DLG2: variants seen among roughly 807,000 people sequenced by gnomAD.
The protein encoded by DLG2 is discs large MAGUK scaffold protein 2.
Under a neutral mutation model 132.5 loss-of-function variants are expected in DLG2, and 45 were observed. The ratio of observed to expected loss-of-function variants is 0.34; its 90% CI spans 0.27 to 0.44. The LOEUF (loss-of-function observed/expected upper bound fraction) is 0.44, where lower values mean the gene tolerates loss of function less well. Among genes scored for constraint, DLG2 ranks in the 20% least tolerant of loss-of-function variants. DLG2 has a pLI of 1.00. For missense variants in DLG2, 1,045 were observed against 1,196.9 expected, an observed-to-expected ratio of 0.87 and a Z score of 1.87; for synonymous variants, 424 against 419.6, an observed-to-expected ratio of 1.01 and a Z score of -0.13.
intron 9 of DLG2, among the ~76,000 whole-genome samples, chr11:84,104,198 C>T (rs1388929347): frequency 1.3e-5 from 2 of 151,836 alleles, no homozygotes; most frequent in Non-Finnish European, 2.9e-5. Flanking sequence ...CAATGGTGGA[C>T]TGAAAGAAAA....
At chr11:85,012,837 G>A (rs950765066) in intron 6 of DLG2, among the ~76,000 whole-genome samples, 1 of 152,072 alleles carries the variant, frequency 6.6e-6, no homozygotes, top group Non-Finnish European at 1.5e-5. Context: ...TAAAAAACTT[G>A]ATTTGAATTC....
intron 7 of DLG2, among the ~76,000 whole-genome samples, chr11:84,424,846 T>G (rs1331222000): frequency 6.6e-6 from 1 of 151,914 alleles, no homozygotes; most frequent in African/African-American, 2.4e-5. Context: ...ATATACCAGG[T>G]GGTGTGCAAT....
At chr11:84,524,840 T>C (rs900435470) in intron 7 of DLG2, among the ~76,000 whole-genome samples, 7 of 151,090 alleles carry the variant, frequency 4.6e-5, no homozygotes, top group Non-Finnish European at 7.4e-5. Flanking sequence ...ATGTAACTCA[T>C]AGGGTATTTC....
In DLG2 at chr11:85,154,828, G is replaced by A. The variant is rs150134333; in HGVS notation, c.187-177C>T. ...AACCCATTTTTATATTGCTCCCAAAGAGAAAACATAAAATGGGACAGTTAT... is the reference window on the plus strand; with the variant it reads ...AACCCATTTTTATATTGCTCCCAAAAAGAAAACATAAAATGGGACAGTTAT... On this transcript the variant is annotated intron_variant, in intron 4 of 27. Coordinates refer to ENST00000376104, the MANE Select transcript of DLG2 (RefSeq NM_001142699.3). 6.0e-3 allele frequency among the ~76,000 whole-genome samples: 910 copies of A among 152,236 alleles called. 8 individuals are homozygous for A. Among genetic ancestry groups the A allele is most frequent in the South Asian group, 0.01 (49 of 4,820 alleles).
intron 6 of DLG2, among the ~76,000 whole-genome samples, chr11:84,928,250 T>C (rs2047639871): frequency 6.6e-6 from 1 of 151,908 alleles, no homozygotes; most frequent in South Asian, 2.1e-4. Context: ...CTAACAGCTC[T>C]TGGGCCTTTG....
At chr11:85,137,661 G>A (rs186901311) in intron 5 of DLG2, among the ~76,000 whole-genome samples, 7 of 152,226 alleles carry the variant, frequency 4.6e-5, no homozygotes, top group Non-Finnish European at 1.5e-5. Context: ...AGGGCCTTGG[G>A]AATAACCCCA....
chr11:85,557,661 G>A (rs11604028), intron 3 of DLG2, among the ~76,000 whole-genome samples: 25,160 of 151,592 alleles, frequency 0.17, 2,830 homozygotes, highest in East Asian at 0.29. Context: ...CATACCTGCA[G>A]CCTTCTGATC....
Position 84,145,936 on chromosome 11 carries a change from G to A in DLG2, c.624+17525C>T, listed in dbSNP as rs377445869. 9.9e-5 allele frequency among the ~76,000 whole-genome samples: 15 copies of A among 152,184 alleles called. No homozygotes were observed. In the East Asian group the frequency reaches 1.9e-3, roughly 20 times the overall value. On this transcript the variant is annotated intron_variant, in intron 9 of 27. Transcript: ENST00000376104. The stretch of plus-strand genomic sequence containing the variant: ...AGAAAAGTTAGATTAATGCCCCTCC[G>A]AATGTCTGTAAACTATATTTCTAAC...
chr11:83,614,471 C>A (rs1218072207), intron 19 of DLG2, among the ~76,000 whole-genome samples: 1 of 152,110 alleles, frequency 6.6e-6, no homozygotes, highest in Non-Finnish European at 1.5e-5. Flanking sequence ...ATAATCTCGG[C>A]ACTTTGGGAG....
At chr11:84,659,551 C>T (rs1370024051) in intron 6 of DLG2, among the ~76,000 whole-genome samples, 1 of 152,156 alleles carries the variant, frequency 6.6e-6, no homozygotes, top group Non-Finnish European at 1.5e-5. Context: ...ACAAAACTTA[C>T]ATGCAGATAT....
intron 3 of DLG2, among the ~76,000 whole-genome samples, chr11:85,306,578 AC>A (rs1291145937): frequency 2.6e-5 from 4 of 151,924 alleles, no homozygotes; most frequent in Non-Finnish European, 5.9e-5. Flanking sequence ...CAGTAGTTGA[AC>A]CTTTTTTTTG....
intron 6 of DLG2, among the ~76,000 whole-genome samples, chr11:85,075,312 G>A (rs760022487): frequency 1.2e-4 from 18 of 151,762 alleles, no homozygotes; most frequent in Admixed American, 2.6e-4. Flanking sequence ...ATAATTCTAG[G>A]TATAAGAAGA....
chr11:84,854,311 CT>C (rs958045629), intron 6 of DLG2, among the ~76,000 whole-genome samples: 35 of 148,780 alleles, frequency 2.4e-4, no homozygotes, highest in African/African-American at 6.6e-4. Context: ...AAAAGTTTTT[CT>C]TTTTTTTTTA....
At chr11:84,516,053 C>T (rs916363829) in intron 7 of DLG2, among the ~76,000 whole-genome samples, 6 of 150,450 alleles carry the variant, frequency 4.0e-5, no homozygotes, top group Non-Finnish European at 8.9e-5. Context: ...AATGAGAGCA[C>T]AATATACAAA....
chr11:84,022,355 AT>A (rs2095418755), intron 11 of DLG2, among the ~76,000 whole-genome samples: 1 of 152,206 alleles, frequency 6.6e-6, no homozygotes, highest in Admixed American at 6.5e-5. Context: ...GAACAACAAC[AT>A]CATAAAACAC....
At chr11:84,116,847 T>C (rs1178327573) in intron 9 of DLG2, among the ~76,000 whole-genome samples, 1 of 152,212 alleles carries the variant, frequency 6.6e-6, no homozygotes, top group Non-Finnish European at 1.5e-5. Flanking sequence ...GAAACGTGCA[T>C]TGGCTCCCTA....
chr11:84,859,902 A>C (rs2083385957), intron 6 of DLG2, among the ~76,000 whole-genome samples: 1 of 152,130 alleles, frequency 6.6e-6, no homozygotes, highest in Non-Finnish European at 1.5e-5. Context: ...TCAAGACTTA[A>C]GTTAAAAGTC....
rs550462147 is a variant in DLG2, at chr11:85,585,253, T to A, written c.40+13404A>T. Among the ~76,000 whole-genome samples, 19 of 152,336 alleles carry A rather than the reference T, an allele frequency of 1.2e-4. No homozygotes were observed. In the East Asian group the frequency reaches 3.3e-3, roughly 26 times the overall value. On this transcript the variant is annotated intron_variant, in intron 3 of 27. Transcript: ENST00000376104. ...GATTATCCCAGAACCATTTGTTGAA[T>A]AGGGTGTCCTTTCCCCACCTTATGT...
intron 6 of DLG2, among the ~76,000 whole-genome samples, chr11:85,017,082 T>C (rs1159370644): frequency 4.6e-5 from 7 of 152,166 alleles, no homozygotes; most frequent in Admixed American, 2.0e-4. Context: ...GCTACAGATA[T>C]CTTATGGTCC....
Sources: allele counts gnomAD v4.1 joint callset (sites outside exome capture counted in the v4.1 genomes callset), GRCh38; gene constraint gnomAD v4.1.1; transcripts MANE v1.5; gene names NCBI Gene and HGNC (gene_info 2026-07-23, HGNC 2026-07-21).